The following RASEF variants were observed in gnomAD, a reference collection of about 807,000 sequenced individuals.
The protein encoded by RASEF is ras and EF-hand domain-containing protein.
Under a neutral mutation model 90.1 loss-of-function variants are expected in RASEF, and 68 were observed. That is an observed-to-expected ratio of 0.75 (90% CI 0.62 to 0.92). RASEF has a LOEUF of 0.92. Among genes scored for constraint, RASEF ranks in the 40% least tolerant of loss-of-function variants. The pLI, the probability that RASEF is intolerant of heterozygous loss-of-function variation, is 0.00. For synonymous variants in RASEF, 331 were observed against 345.2 expected, an observed-to-expected ratio of 0.96 and a Z score of 0.46; for missense variants, 949 against 937.2, an observed-to-expected ratio of 1.01 and a Z score of -0.16.
chr9:83,156,828 A>T, the RASEF span, among the ~76,000 whole-genome samples: 25 of 152,186 alleles, frequency 1.6e-4, no homozygotes, highest in Non-Finnish European at 2.6e-4. Context: ...GGTTAGTGAG[A>T]CCTCCACTTT....
At chr9:83,022,943 C>T (rs142311871) in intron 2 of RASEF, among the ~76,000 whole-genome samples, 110 of 152,236 alleles carry the variant, frequency 7.2e-4, no homozygotes, top group African/African-American at 2.5e-3. Context: ...TTGACCAAAA[C>T]ATTGTGATGT....
At chr9:83,087,329 G>A in the RASEF span, among the ~76,000 whole-genome samples, 1 of 151,692 alleles carries the variant, frequency 6.6e-6, no homozygotes, top group Non-Finnish European at 1.5e-5. Context: ...CATGACAGTG[G>A]GAGCCTTCAT....
the RASEF span, among the ~76,000 whole-genome samples, chr9:83,164,478 T>C: frequency 6.7e-6 from 1 of 149,598 alleles, no homozygotes; most frequent in Admixed American, 6.7e-5. Flanking sequence ...AGGTTTATAG[T>C]GTTTTTTGAA....
the RASEF span, among the ~76,000 whole-genome samples, chr9:83,172,001 A>T: frequency 1.0e-2 from 1,512 of 151,852 alleles, 30 homozygotes; most frequent in African/African-American, 0.034. Flanking sequence ...GTGTATCGTT[A>T]GGTTGTTTAT....
intron 3 of RASEF, among the ~76,000 whole-genome samples, chr9:83,020,859 T>C (rs954394207): frequency 6.6e-6 from 1 of 151,884 alleles, no homozygotes. Context: ...ACACAGCAGA[T>C]GGAGAGAAAA....
chr9:83,199,027 C>T, the RASEF span, among the ~76,000 whole-genome samples: 1 of 152,158 alleles, frequency 6.6e-6, no homozygotes, highest in Non-Finnish European at 1.5e-5. Context: ...TCTTCATCCC[C>T]AATTACTTTT....
chr9:83,113,643 C>T, the RASEF span, among the ~76,000 whole-genome samples: 3,907 of 152,216 alleles, frequency 0.026, 62 homozygotes, highest in Non-Finnish European at 0.037. Context: ...TAGATGGCCG[C>T]GCTGGGAGTG....
chr9:83,010,267 T>A (rs1829215538), intron 5 of RASEF, among the ~76,000 whole-genome samples: 1 of 152,206 alleles, frequency 6.6e-6, no homozygotes, highest in Non-Finnish European at 1.5e-5. Context: ...ATTGGAGACA[T>A]TCGTTCAAGA....
the RASEF span, among the ~76,000 whole-genome samples, chr9:83,169,977 A>T: frequency 6.6e-6 from 1 of 151,906 alleles, no homozygotes; most frequent in African/African-American, 2.4e-5. Flanking sequence ...TGTGCTTCTA[A>T]GGTCTAACTC....
chr9:83,216,797 T>C, the RASEF span, among the ~76,000 whole-genome samples: 921 of 152,206 alleles, frequency 6.1e-3, 2 homozygotes, highest in Non-Finnish European at 0.011. Context: ...AATATACCCT[T>C]TCCAAATGGG....
At chr9:83,061,404 C>G (rs1830197891) in intron 1 of RASEF, among the ~76,000 whole-genome samples, 1 of 152,180 alleles carries the variant, frequency 6.6e-6, no homozygotes, top group Non-Finnish European at 1.5e-5. Context: ...GATGTGCAAA[C>G]TGCCAACCAA....
At position 82,982,385 on chromosome 9, in the gene RASEF, ATTTCT is replaced by A. The variant is rs10538467; in HGVS notation, c.*287_*291del. 5.7e-5 allele frequency: 12 copies of A among 212,094 alleles called. No homozygotes were observed. The highest frequency in any genetic ancestry group is 2.3e-4 in the African/African-American group (10 of 43,154). The allele number at this position is 212,094 out of a possible 1,614,324, so 13.1% of individuals were successfully genotyped here. A position where few individuals can be genotyped will look rare whatever the true frequency, so the allele number is the denominator to read the frequency against. ...TCTACAGCTTTGATCTGAGCATGTG[ATTTCT>A]TTTCTTTTCTTTTTTTTTACCATTT... is the stretch of plus-strand genomic sequence containing the variant. On this transcript the variant is annotated 3_prime_UTR_variant, in exon 17 of 17. Transcript: ENST00000376447.
At chr9:83,071,453 A>G in the RASEF span, among the ~76,000 whole-genome samples, 1 of 152,028 alleles carries the variant, frequency 6.6e-6, no homozygotes, top group Non-Finnish European at 1.5e-5. Flanking sequence ...TCACCCAGGC[A>G]TGAGTGCAGT....
At chr9:83,131,510 G>A in the RASEF span, among the ~76,000 whole-genome samples, 2 of 152,150 alleles carry the variant, frequency 1.3e-5, no homozygotes, top group African/African-American at 4.8e-5. Flanking sequence ...CTCAAAAATA[G>A]AAAGCTTATT....
At chr9:83,111,689 T>G in the RASEF span, among the ~76,000 whole-genome samples, 11 of 152,226 alleles carry the variant, frequency 7.2e-5, no homozygotes, top group Non-Finnish European at 8.8e-5. Context: ...CATTTTTTTT[T>G]GTGCATTTCT....
the RASEF span, among the ~76,000 whole-genome samples, chr9:83,119,897 A>T: frequency 6.6e-6 from 1 of 152,244 alleles, no homozygotes; most frequent in Non-Finnish European, 1.5e-5. Context: ...AATGTGATTA[A>T]AACCATTGAA....
the RASEF span, among the ~76,000 whole-genome samples, chr9:83,106,761 C>T: frequency 1.8e-5 from 2 of 113,068 alleles, no homozygotes; most frequent in African/African-American, 8.0e-5. Flanking sequence ...TAAATATTCC[C>T]ATTGTGACCA....
intron 2 of RASEF, among the ~76,000 whole-genome samples, chr9:83,024,393 G>A (rs2118569412): frequency 6.6e-6 from 1 of 152,266 alleles, no homozygotes; most frequent in African/African-American, 2.4e-5. Context: ...GTATGCATGT[G>A]TACCCACATA....
chr9:83,076,735 A>G, the RASEF span, among the ~76,000 whole-genome samples: 1 of 152,198 alleles, frequency 6.6e-6, no homozygotes, highest in South Asian at 2.1e-4. Flanking sequence ...AATTTTATGA[A>G]AAATTCATTA....
Sources: gnomAD v4.1 joint callset for allele counts (sites outside exome capture counted in the v4.1 genomes callset) on GRCh38, gnomAD v4.1.1 for gene constraint, MANE v1.5 for transcripts, NCBI Gene and HGNC (gene_info 2026-07-23, HGNC 2026-07-21) for gene names.